The following PACRGL variants were observed in gnomAD, a reference collection of about 807,000 sequenced individuals.
PACRGL encodes the protein PACRG-like protein.
In PACRGL, 38 loss-of-function variants were observed where a neutral mutation model predicts 34.5. The observed-to-expected ratio is 1.10, with a 90% CI of 0.85 to 1.44. PACRGL has a LOEUF of 1.44. Among genes scored for constraint, PACRGL ranks in the 40% most tolerant of loss-of-function variants. The probability of loss-of-function intolerance (pLI) is 0.00; values close to 1 mark genes in which losing one functional copy is unlikely to be tolerated. For synonymous variants in PACRGL, 128 were observed against 100.1 expected, an observed-to-expected ratio of 1.28 and a Z score of -1.66; for missense variants, 305 against 281.4, an observed-to-expected ratio of 1.08 and a Z score of -0.60.
At chr4:20,746,363 G>C (rs1481176168) in intron 8 of PACRGL, among the ~76,000 whole-genome samples, 1 of 151,952 alleles carries the variant, frequency 6.6e-6, no homozygotes, top group Non-Finnish European at 1.5e-5. Context: ...CACACACCAG[G>C]GCATGTCGGA....
Position 20,707,752 on chromosome 4 carries a change from T to C in PACRGL, c.208-51T>C. The C allele has an allele frequency of 2.7e-6, 4 of 1,507,356 alleles. 1 individual carries two copies. In the South Asian group the frequency reaches 4.5e-5, roughly 17 times the overall value. The allele number at this position is 1,507,356 out of a possible 1,614,324, so 93.4% of individuals were successfully genotyped here. A position where few individuals can be genotyped will look rare whatever the true frequency, so the allele number is the denominator to read the frequency against. On this transcript the variant is annotated intron_variant, in intron 3 of 8. Coordinates refer to ENST00000503585, the MANE Select transcript of PACRGL (RefSeq NM_001258345.3). ...TTTGAAAAGCAAAATGGCTGTGTGCTTCTGACCTCAGAAGTATAGGTGATA... is the reference window on the plus strand; with the variant it reads ...TTTGAAAAGCAAAATGGCTGTGTGCCTCTGACCTCAGAAGTATAGGTGATA...
At position 20,711,752 on chromosome 4, in the gene PACRGL, A is replaced by G. The variant is rs181864224; in HGVS notation, c.367-1036A>G. On this transcript the variant is annotated intron_variant, in intron 5 of 8. Transcript: ENST00000503585. ...ACTCACTATGATTGGTTAAATCATA[A>G]AAGAGTACTAGCTAATTGTTTCTAA... Among the ~76,000 whole-genome samples the G allele has an allele frequency of 2.2e-4, 33 of 152,290 alleles. No homozygotes were observed. In the East Asian group the frequency reaches 3.7e-3, roughly 17 times the overall value.
intron 7 of PACRGL, among the ~76,000 whole-genome samples, chr4:20,720,939 C>A (rs190289233): frequency 6.6e-6 from 1 of 152,170 alleles, no homozygotes; most frequent in Non-Finnish European, 1.5e-5. Context: ...TGGTTCCATT[C>A]TCCCTGTCAC....
chr4:20,748,880 G>GTA (rs1294317259), intron 8 of PACRGL, among the ~76,000 whole-genome samples: 2 of 97,958 alleles, frequency 2.0e-5, no homozygotes, highest in South Asian at 6.7e-4. Flanking sequence ...GTGTGTGTGT[G>GTA]TATGTGTGTG....
Position 20,704,518 on chromosome 4 carries a change from A to AAAAAC in PACRGL, c.39_43dup (p.Arg15LysfsTer18). On this transcript the variant is annotated frameshift_variant, in exon 2 of 9. Coordinates refer to ENST00000503585, the MANE Select transcript of PACRGL (RefSeq NM_001258345.3). LOFTEE classifies it high-confidence loss of function. ...AGAGGGCTCTGGAGGTACACAGTTG[A>AAAAAC]AAAACAGAGCAACAGGTACAGAGCT... is the stretch of plus-strand genomic sequence containing the variant. The AAAAAC allele has an allele frequency of 6.2e-7, 1 of 1,614,060 alleles. No individual in the cohort carries two copies. The highest frequency in any genetic ancestry group is 1.1e-5 in the South Asian group (1 of 91,066).
At chr4:20,745,859 T>G (rs1490856356) in intron 8 of PACRGL, among the ~76,000 whole-genome samples, 2 of 152,166 alleles carry the variant, frequency 1.3e-5, no homozygotes, top group African/African-American at 4.8e-5. Context: ...TGCATTTGCA[T>G]GTAGTTGCCT....
At chr4:20,760,609 A>G in the PACRGL span, among the ~76,000 whole-genome samples, 4 of 152,156 alleles carry the variant, frequency 2.6e-5, no homozygotes, top group Non-Finnish European at 5.9e-5. Flanking sequence ...GTTTTATCCC[A>G]TTTGTTAATG....
chr4:20,764,824 G>A, the PACRGL span, among the ~76,000 whole-genome samples: 1 of 152,152 alleles, frequency 6.6e-6, no homozygotes, highest in African/African-American at 2.4e-5. Flanking sequence ...AAAGCAATTT[G>A]CCTGTTTTTC....
At chr4:20,699,672 T>C (rs180858757), upstream of PACRGL, among the ~76,000 whole-genome samples, 5 of 152,238 alleles carry the variant, frequency 3.3e-5, no homozygotes, top group Non-Finnish European at 7.4e-5. Flanking sequence ...GGGCTTTGGG[T>C]TGGCAACAGT....
At chr4:20,702,205 A>G (rs1419615774) in intron 1 of PACRGL, 1 of 456,734 alleles carries the variant, frequency 2.2e-6, no homozygotes, top group East Asian at 6.9e-5. Context: ...ATTCCATCCA[A>G]AACTTCCACT....
intron 7 of PACRGL, among the ~76,000 whole-genome samples, chr4:20,714,542 A>T (rs4510461): frequency 0.044 from 6,742 of 152,018 alleles, 198 homozygotes; most frequent in Middle Eastern, 0.065. Context: ...TCCCGTCATT[A>T]TGATATTAGC....
At chr4:20,735,542 T>G (rs1213868317), downstream of PACRGL, among the ~76,000 whole-genome samples, 5 of 147,658 alleles carry the variant, frequency 3.4e-5, no homozygotes, top group Admixed American at 6.8e-5. Context: ...TTTTTTTTTT[T>G]TTTTTGAGAT....
At chr4:20,699,234 TA>T (rs975834683), upstream of PACRGL, among the ~76,000 whole-genome samples, 89 of 146,786 alleles carry the variant, frequency 6.1e-4, no homozygotes, top group African/African-American at 8.9e-4. Context: ...TTTTTTTTTT[TA>T]AAAATTTCTT....
chr4:20,733,267 C>T (rs148039813), downstream of PACRGL, among the ~76,000 whole-genome samples: 355 of 152,264 alleles, frequency 2.3e-3, 8 homozygotes, highest in South Asian at 0.046. Context: ...ATTTTTCCTA[C>T]TGTGGCTTTA....
chr4:20,706,655 A>G (rs768395197), intron 3 of PACRGL, among the ~76,000 whole-genome samples: 28 of 151,960 alleles, frequency 1.8e-4, no homozygotes, highest in South Asian at 8.3e-4. Flanking sequence ...GGTTCACTGC[A>G]AACTCCGCCT....
chr4:20,700,052 C>G (rs1444356338), upstream of PACRGL, among the ~76,000 whole-genome samples: 1 of 152,134 alleles, frequency 6.6e-6, no homozygotes, highest in Non-Finnish European at 1.5e-5. Context: ...GGCTTCGGCT[C>G]TCACCCCTGA....
intron 8 of PACRGL, among the ~76,000 whole-genome samples, chr4:20,746,588 G>C (rs1288098025): frequency 1.3e-5 from 2 of 151,904 alleles, no homozygotes; most frequent in African/African-American, 4.8e-5. Flanking sequence ...GCACATATTT[G>C]GTGCCAGACA....
chr4:20,743,295 A>G (rs553792307), intron 8 of PACRGL, among the ~76,000 whole-genome samples: 253 of 152,358 alleles, frequency 1.7e-3, no homozygotes, highest in African/African-American at 5.7e-3. Context: ...GAACCAAAAC[A>G]GAGCCCACAT....
At chr4:20,747,292 AAT>A (rs1163991140) in intron 8 of PACRGL, among the ~76,000 whole-genome samples, 1 of 152,200 alleles carries the variant, frequency 6.6e-6, no homozygotes, top group East Asian at 1.9e-4. Flanking sequence ...TGGAGTCACT[AAT>A]AGTTTTTGCC....
Sources: gnomAD v4.1 joint callset for allele counts (sites outside exome capture counted in the v4.1 genomes callset) on GRCh38, gnomAD v4.1.1 for gene constraint, MANE v1.5 for transcripts, NCBI Gene and HGNC (gene_info 2026-07-23, HGNC 2026-07-21) for gene names.